Variants in NWD2 observed in about 807,000 individuals in gnomAD.
NWD2 encodes the protein NACHT and WD repeat domain-containing protein 2.
In NWD2, 37 loss-of-function variants were observed where a neutral mutation model predicts 132.7. The ratio of observed to expected loss-of-function variants is 0.28; its 90% CI spans 0.21 to 0.37. The LOEUF is 0.37. Among genes scored for constraint, NWD2 ranks in the 10% least tolerant of loss-of-function variants. NWD2 has a pLI of 1.00. For missense variants in NWD2, 1,592 were observed against 2,122.4 expected (o/e 0.75, Z 4.91); for synonymous variants, 705 against 803.0 (o/e 0.88, Z 2.06).
chr4:37,414,507 A>G (rs1269795926), intron 3 of NWD2, among the ~76,000 whole-genome samples: 5 of 151,862 alleles, frequency 3.3e-5, no homozygotes, highest in Admixed American at 2.0e-4. Flanking sequence ...AAGATAAATT[A>G]CCTTTATGCT....
At chr4:37,253,028 C>G (rs1033579514) in intron 1 of NWD2, among the ~76,000 whole-genome samples, 8 of 143,748 alleles carry the variant, frequency 5.6e-5, no homozygotes, top group Admixed American at 4.1e-4. Flanking sequence ...TTTGCAGTTT[C>G]TTTGACCTCC....
At chr4:37,422,333 G>A (rs773372096) in intron 3 of NWD2, among the ~76,000 whole-genome samples, 3 of 152,118 alleles carry the variant, frequency 2.0e-5, no homozygotes, top group Non-Finnish European at 2.9e-5. Context: ...ATCTGTTGCC[G>A]TGGTTCCAGC....
At chr4:37,282,289 AT>A (rs1353373935) in intron 1 of NWD2, among the ~76,000 whole-genome samples, 4 of 152,172 alleles carry the variant, frequency 2.6e-5, no homozygotes, top group Non-Finnish European at 5.9e-5. Flanking sequence ...AATTGATAGC[AT>A]TATAGCTATA....
intron 1 of NWD2, among the ~76,000 whole-genome samples, chr4:37,324,419 T>G (rs756542435): frequency 6.6e-6 from 1 of 152,170 alleles, no homozygotes; most frequent in Non-Finnish European, 1.5e-5. Flanking sequence ...ATTTGGGTTT[T>G]GAAAATCTAA....
At chr4:37,361,466 C>T (rs571620292) in intron 3 of NWD2, among the ~76,000 whole-genome samples, 3 of 152,228 alleles carry the variant, frequency 2.0e-5, no homozygotes, top group East Asian at 1.9e-4. Flanking sequence ...GATCCAACAG[C>T]GCATCAAAAA....
At chr4:37,433,168 G>C (rs1426816589) in intron 4 of NWD2, among the ~76,000 whole-genome samples, 1 of 152,078 alleles carries the variant, frequency 6.6e-6, no homozygotes, top group Non-Finnish European at 1.5e-5. Flanking sequence ...TGAGAATATT[G>C]GGGTAAACCC....
At chr4:37,329,724 A>C (rs1040604049) in intron 2 of NWD2, among the ~76,000 whole-genome samples, 2 of 152,242 alleles carry the variant, frequency 1.3e-5, no homozygotes, top group Non-Finnish European at 2.9e-5. Flanking sequence ...TTAAGGACTT[A>C]GAATTTTATT....
intron 1 of NWD2, among the ~76,000 whole-genome samples, chr4:37,300,307 G>A (rs933215514): frequency 5.3e-5 from 8 of 152,274 alleles, no homozygotes; most frequent in Admixed American, 3.9e-4. Context: ...TGGAAGCAAC[G>A]CTGTAGCAAT....
At chr4:37,399,847 A>G (rs1720868390) in intron 3 of NWD2, among the ~76,000 whole-genome samples, 1 of 152,196 alleles carries the variant, frequency 6.6e-6, no homozygotes, top group Non-Finnish European at 1.5e-5. Flanking sequence ...GCCTGTCCTC[A>G]TTCCAGAACT....
At chr4:37,367,945 T>C (rs1319781813) in intron 3 of NWD2, among the ~76,000 whole-genome samples, 1 of 152,140 alleles carries the variant, frequency 6.6e-6, no homozygotes, top group Non-Finnish European at 1.5e-5. Flanking sequence ...CTGGAAGCTA[T>C]AATGAAGTCT....
intron 3 of NWD2, among the ~76,000 whole-genome samples, chr4:37,422,984 A>ATTT (rs200654391): frequency 1.3e-5 from 2 of 148,496 alleles, no homozygotes; most frequent in Non-Finnish European, 3.0e-5. Context: ...TAGGAAATTG[A>ATTT]TTTTTTTTTT....
intron 1 of NWD2, among the ~76,000 whole-genome samples, chr4:37,309,978 G>A (rs1348225090): frequency 6.6e-6 from 1 of 152,114 alleles, no homozygotes; most frequent in Admixed American, 6.5e-5. Context: ...TTTCTAGCTG[G>A]TGAAGATTTA....
At chr4:37,321,262 C>T (rs552784495) in intron 1 of NWD2, among the ~76,000 whole-genome samples, 1 of 152,272 alleles carries the variant, frequency 6.6e-6, no homozygotes, top group African/African-American at 2.4e-5. Context: ...ACTCTTTTAT[C>T]TTCAATAAAA....
chr4:37,296,530 G>A (rs555120750), intron 1 of NWD2, among the ~76,000 whole-genome samples: 5 of 152,254 alleles, frequency 3.3e-5, no homozygotes, highest in South Asian at 4.1e-4. Context: ...ACGAAATAAT[G>A]TCTTTTGCAG....
intron 2 of NWD2, among the ~76,000 whole-genome samples, chr4:37,328,447 A>G (rs1203923091): frequency 6.8e-6 from 1 of 147,436 alleles, no homozygotes; most frequent in African/African-American, 2.5e-5. Flanking sequence ...CCCTGTGTCC[A>G]TGTGTTCTCA....
intron 1 of NWD2, among the ~76,000 whole-genome samples, chr4:37,262,967 A>AG (rs954183004): frequency 1.2e-4 from 19 of 152,142 alleles, no homozygotes; most frequent in African/African-American, 4.3e-4. Context: ...GAGGAAATGA[A>AG]GGCAACAACC....
chr4:37,416,354 A>G (rs1711599316), intron 3 of NWD2, among the ~76,000 whole-genome samples: 5 of 152,024 alleles, frequency 3.3e-5, no homozygotes, highest in Admixed American at 3.3e-4. Flanking sequence ...ATATATGTAC[A>G]TAAAATATAT....
At position 37,447,246 on chromosome 4, in the gene NWD2, T is replaced by C. The variant is rs1176075823; in HGVS notation, c.*29T>C. 7 of 1,507,978 alleles carry C rather than the reference T, an allele frequency of 4.6e-6. No individual in the cohort carries two copies. The highest frequency in any genetic ancestry group is 4.5e-6 in the Non-Finnish European group (5 of 1,115,730). The allele number at this position is 1,507,978 out of a possible 1,614,324, so 93.4% of individuals were successfully genotyped here. A position where few individuals can be genotyped will look rare whatever the true frequency, so the allele number is the denominator to read the frequency against. On this transcript the variant is annotated 3_prime_UTR_variant, in exon 7 of 7. Coordinates refer to ENST00000309447, the MANE Select transcript of NWD2 (RefSeq NM_001144990.2). ...AATGTTTTCCAGCTAAGCAGAAATA[T>C]GTGATCCACGTACAGAAGGGAAAAA...
At position 37,447,403 on chromosome 4, in the gene NWD2, A is replaced by G; in HGVS notation, c.*186A>G. On this transcript the variant is annotated 3_prime_UTR_variant, in exon 7 of 7. Transcript: ENST00000309447. Reference sequence around the variant, plus strand: ...GGGTGTGGTCTTTTTGTCAAAGTGTATCCAGAATGTCAGAATTTCTAGTAG... The same window carrying G: ...GGGTGTGGTCTTTTTGTCAAAGTGTGTCCAGAATGTCAGAATTTCTAGTAG... The G allele has an allele frequency of 1.7e-6, 1 of 590,610 alleles. No individual in the cohort carries two copies. The highest frequency in any genetic ancestry group is 2.2e-5 in the South Asian group (1 of 45,466). The allele number at this position is 590,610 out of a possible 1,614,324, so 36.6% of individuals were successfully genotyped here.
Sources: gnomAD v4.1 joint callset for allele counts (sites outside exome capture counted in the v4.1 genomes callset) on GRCh38, gnomAD v4.1.1 for gene constraint, MANE v1.5 for transcripts, NCBI Gene and HGNC (gene_info 2026-07-23, HGNC 2026-07-21) for gene names.